PCSK6: variants seen among roughly 807,000 people sequenced by gnomAD.
PCSK6 encodes proprotein convertase subtilisin/kexin type 6.
A neutral mutation model predicts 123.3 loss-of-function variants in PCSK6; 85 were observed. The ratio of observed to expected loss-of-function variants is 0.69; its 90% CI spans 0.58 to 0.83. The LOEUF (loss-of-function observed/expected upper bound fraction) is 0.83, where lower values mean the gene tolerates loss of function less well. Ranked by LOEUF, PCSK6 falls within the 40% of genes least tolerant of loss-of-function variation. The probability of loss-of-function intolerance (pLI) is 0.00; values close to 1 mark genes in which losing one functional copy is unlikely to be tolerated. For synonymous variants in PCSK6, 508 were observed against 516.0 expected (o/e 0.98, Z 0.21); for missense variants, 1,191 against 1,282.3 (o/e 0.93, Z 1.09).
chr15:101,449,351 G>A (rs534327682), intron 1 of PCSK6, among the ~76,000 whole-genome samples: 53 of 152,138 alleles, frequency 3.5e-4, no homozygotes, highest in African/African-American at 1.2e-3. Flanking sequence ...ACCTGAGGTT[G>A]GTTGAATGTG....
intron 1 of PCSK6, among the ~76,000 whole-genome samples, chr15:101,452,615 G>T (rs1026325648): frequency 1.3e-5 from 2 of 152,194 alleles, no homozygotes; most frequent in Non-Finnish European, 2.9e-5. Flanking sequence ...AGGTGAGGAG[G>T]GCGCTCACAT....
At chr15:101,444,714 A>T (rs1054774431) in intron 1 of PCSK6, among the ~76,000 whole-genome samples, 1 of 152,176 alleles carries the variant, frequency 6.6e-6, no homozygotes, top group Non-Finnish European at 1.5e-5. Flanking sequence ...ATGGGGATAA[A>T]GGTACTTACC....
At chr15:101,322,445 C>A in intron 18 of PCSK6, 75 bp downstream of exon 18, 2 of 1,016,652 alleles carry the variant, frequency 2.0e-6, no homozygotes, top group Non-Finnish European at 3.0e-6. Flanking sequence ...AGAAATGCAC[C>A]AACGTGGTAA....
At chr15:101,439,941 G>A (rs775252325) in intron 2 of PCSK6, among the ~76,000 whole-genome samples, 2 of 152,148 alleles carry the variant, frequency 1.3e-5, no homozygotes, top group Non-Finnish European at 2.9e-5. Flanking sequence ...GCTGAGATCT[G>A]TAGGGAAGGA....
At chr15:101,330,396 C>A (rs773231567) in intron 15 of PCSK6, among the ~76,000 whole-genome samples, 1 of 152,254 alleles carries the variant, frequency 6.6e-6, no homozygotes, top group East Asian at 1.9e-4. Context: ...TCCTGATGCA[C>A]CATGACCATG....
intron 13 of PCSK6, chr15:101,347,633 TGA>T: frequency 6.4e-7 from 1 of 1,567,152 alleles, no homozygotes; most frequent in Non-Finnish European, 8.7e-7. Context: ...GGGCGGGAGC[TGA>T]GAGATCCAGC....
chr15:101,443,879 A>G (rs1198116628), intron 1 of PCSK6, among the ~76,000 whole-genome samples: 1 of 152,248 alleles, frequency 6.6e-6, no homozygotes, highest in African/African-American at 2.4e-5. Context: ...ACACTAAGTC[A>G]TATTTCCCAT....
intron 6 of PCSK6, among the ~76,000 whole-genome samples, chr15:101,411,198 G>A (rs552112045): frequency 6.6e-6 from 1 of 152,280 alleles, no homozygotes; most frequent in African/African-American, 2.4e-5. Context: ...TCTGAGTGGG[G>A]AACAATTCCA....
chr15:101,450,728 C>T (rs2057012779), intron 1 of PCSK6, among the ~76,000 whole-genome samples: 1 of 152,206 alleles, frequency 6.6e-6, no homozygotes, highest in African/African-American at 2.4e-5. Context: ...CCCCCAGTGC[C>T]TTCTGGCCCG....
At chr15:101,438,445 T>C (rs1456207571) in intron 2 of PCSK6, among the ~76,000 whole-genome samples, 1 of 152,226 alleles carries the variant, frequency 6.6e-6, no homozygotes, top group Non-Finnish European at 1.5e-5. Flanking sequence ...CAGGAAGCAT[T>C]GTCTACTGTT....
chr15:101,350,847 G>A (rs1402549524), intron 13 of PCSK6, among the ~76,000 whole-genome samples: 1 of 152,232 alleles, frequency 6.6e-6, no homozygotes, highest in Admixed American at 6.5e-5. Flanking sequence ...ATATGCAGTG[G>A]TGCGCTGCAG....
intron 13 of PCSK6, chr15:101,347,779 T>C: frequency 6.2e-7 from 1 of 1,612,810 alleles, no homozygotes; most frequent in Admixed American, 1.7e-5. Context: ...CCAGGTTCCC[T>C]GGAAAACAAG....
At chr15:101,307,605 G>A (rs2039755513) in intron 20 of PCSK6, 2 of 375,986 alleles carry the variant, frequency 5.3e-6, no homozygotes, top group Middle Eastern at 7.9e-4. Flanking sequence ...GAGGCTTCCC[G>A]CAGCTCACCT....
intron 9 of PCSK6, 48 bp downstream of exon 9, chr15:101,389,416 A>G (rs1369454497): frequency 7.0e-7 from 1 of 1,423,254 alleles, no homozygotes; most frequent in Middle Eastern, 1.8e-4. Context: ...GTATTTTACC[A>G]CAATCTAAAC....
chr15:101,341,956 C>T (rs1057087437), intron 13 of PCSK6, among the ~76,000 whole-genome samples: 3 of 151,860 alleles, frequency 2.0e-5, no homozygotes, highest in Non-Finnish European at 4.4e-5. Context: ...ATGGCGAAAA[C>T]CTGTCTCTAC....
At chr15:101,442,288 CTA>C (rs970324356) in intron 2 of PCSK6, among the ~76,000 whole-genome samples, 93 of 152,314 alleles carry the variant, frequency 6.1e-4, no homozygotes, top group African/African-American at 2.0e-3. Flanking sequence ...TGTTTCATAT[CTA>C]TCTCGTTCGA....
chr15:101,400,420 C>T (rs566133455), intron 6 of PCSK6, among the ~76,000 whole-genome samples: 2 of 152,312 alleles, frequency 1.3e-5, no homozygotes, highest in South Asian at 2.1e-4. Context: ...TACTAGTCTG[C>T]GCCTGTTTGT....
intron 6 of PCSK6, among the ~76,000 whole-genome samples, chr15:101,403,387 A>G (rs562417116): frequency 1.9e-4 from 29 of 151,354 alleles, no homozygotes; most frequent in South Asian, 8.4e-4. Context: ...TAACCTGCAC[A>G]TTGTGCACAT....
chr15:101,318,429 AAAAG>A lies in PCSK6; in HGVS notation c.2466-11_2466-8del. 3.2e-6 allele frequency: 5 copies of A among 1,552,410 alleles called. No individual in the cohort carries two copies. Among genetic ancestry groups the A allele is most frequent in the African/African-American group, 1.4e-5 (1 of 73,246 alleles). ...GCAGCTGCCCCGTGCAAGGCTGTTG[AAAAG>A]AAAGAGGCAGATTTCCACATCCATT... On this transcript the variant is annotated splice_region_variant and splice_polypyrimidine_tract_variant and intron_variant, in intron 18 of 21. Transcript: ENST00000611716.
Sources: allele counts gnomAD v4.1 joint callset (sites outside exome capture counted in the v4.1 genomes callset), GRCh38; gene constraint gnomAD v4.1.1; transcripts MANE v1.5; gene names NCBI Gene and HGNC (gene_info 2026-07-23, HGNC 2026-07-21).